The following AUTS2 variants were observed in gnomAD, a reference collection of about 807,000 sequenced individuals.
The protein encoded by AUTS2 is activator of transcription and developmental regulator AUTS2.
Under a neutral mutation model 112.4 loss-of-function variants are expected in AUTS2, and 17 were observed. The ratio of observed to expected loss-of-function variants is 0.15; its 90% CI spans 0.10 to 0.23. The LOEUF (loss-of-function observed/expected upper bound fraction) is 0.23, where lower values mean the gene tolerates loss of function less well. AUTS2 is among the 10% of genes least tolerant of loss of function. The pLI, the probability that AUTS2 is intolerant of heterozygous loss-of-function variation, is 1.00. For synonymous variants in AUTS2, 751 were observed against 702.7 expected, an observed-to-expected ratio of 1.07 and a Z score of -1.09; for missense variants, 1,510 against 1,701.6, an observed-to-expected ratio of 0.89 and a Z score of 1.98.
rs544715463 is a variant in AUTS2 at position 70,078,558 on chromosome 7, T to C, written c.523-39574T>C. On this transcript the variant is annotated intron_variant, in intron 2 of 18. Coordinates refer to ENST00000342771, the MANE Select transcript of AUTS2 (RefSeq NM_015570.4). ...TTTTCTTTCTCTTTTGTACCTACCATGCTCTACCTACCTCATGTCTTCATT... is the reference window on the plus strand; with the variant it reads ...TTTTCTTTCTCTTTTGTACCTACCACGCTCTACCTACCTCATGTCTTCATT... Among the ~76,000 whole-genome samples the C allele has an allele frequency of 2.0e-5, 3 of 152,346 alleles. No individual in the cohort carries two copies. The South Asian group carries it at 6.2e-4, about 32-fold the overall frequency.
chr7:70,216,577 G>A (rs1489041282), intron 4 of AUTS2, among the ~76,000 whole-genome samples: 1 of 152,128 alleles, frequency 6.6e-6, no homozygotes, highest in African/African-American at 2.4e-5. Flanking sequence ...GCAGGAAGTA[G>A]GTGAAATGAA....
At chr7:69,718,113 T>C (rs1316018319) in intron 1 of AUTS2, among the ~76,000 whole-genome samples, 2 of 152,216 alleles carry the variant, frequency 1.3e-5, no homozygotes, top group Admixed American at 6.5e-5. Context: ...CTTCCACTAA[T>C]CCTTACTTTT....
In AUTS2 at chr7:70,329,333, A is replaced by C. The variant is rs1790640985; in HGVS notation, c.661-106419A>C. 2.0e-5 allele frequency among the ~76,000 whole-genome samples: 3 copies of C among 152,262 alleles called. No homozygotes were observed. The South Asian group carries it at 6.2e-4, about 32-fold the overall frequency. On this transcript the variant is annotated intron_variant, in intron 4 of 18. Coordinates refer to ENST00000342771, the MANE Select transcript of AUTS2 (RefSeq NM_015570.4). The stretch of plus-strand genomic sequence containing the variant: ...CAGGACGATATGATACTTCTACATT[A>C]AACTTTTTGAAGATTGCCGAACTAT...
intron 7 of AUTS2, among the ~76,000 whole-genome samples, chr7:70,764,130 T>C (rs1319088902): frequency 6.6e-6 from 1 of 152,164 alleles, no homozygotes. Flanking sequence ...GAAAACCTGG[T>C]GGCTTTGGTG....
chr7:70,639,183 CA>C (rs1399665595), intron 5 of AUTS2, among the ~76,000 whole-genome samples: 1 of 152,106 alleles, frequency 6.6e-6, no homozygotes, highest in African/African-American at 2.4e-5. Context: ...ACCACCACAC[CA>C]AAAGTCTGGT....
At chr7:69,715,227 TAA>T (rs61555118) in intron 1 of AUTS2, among the ~76,000 whole-genome samples, 10,096 of 129,402 alleles carry the variant, frequency 0.078, 363 homozygotes, top group East Asian at 0.14. Context: ...CAGGCATAAG[TAA>T]AAAAAAAAAA....
chr7:69,982,844 T>C (rs1341475825), intron 2 of AUTS2, among the ~76,000 whole-genome samples: 1 of 152,226 alleles, frequency 6.6e-6, no homozygotes, highest in Non-Finnish European at 1.5e-5. Flanking sequence ...TTTAAGAGCT[T>C]CATTGCAGTG....
At chr7:70,351,760 G>A (rs1308243394) in intron 4 of AUTS2, among the ~76,000 whole-genome samples, 6 of 143,178 alleles carry the variant, frequency 4.2e-5, no homozygotes, top group African/African-American at 8.1e-5. Flanking sequence ...GGCGTGCAGT[G>A]GTGTGATCTC....
chr7:70,046,818 A>G (rs1232317852), intron 2 of AUTS2, among the ~76,000 whole-genome samples: 1 of 152,172 alleles, frequency 6.6e-6, no homozygotes, highest in Non-Finnish European at 1.5e-5. Flanking sequence ...GCTCTGATAA[A>G]GAGATGATGA....
At chr7:70,317,644 C>A (rs914124415) in intron 4 of AUTS2, among the ~76,000 whole-genome samples, 1 of 152,130 alleles carries the variant, frequency 6.6e-6, no homozygotes, top group Non-Finnish European at 1.5e-5. Context: ...TGCTTTCCAA[C>A]CCTGACAAGC....
At chr7:70,263,266 A>AAT in intron 4 of AUTS2, among the ~76,000 whole-genome samples, 1 of 152,304 alleles carries the variant, frequency 6.6e-6, no homozygotes, top group African/African-American at 2.4e-5. Flanking sequence ...TATCCAATAT[A>AAT]ACATCCTTGG....
intron 5 of AUTS2, among the ~76,000 whole-genome samples, chr7:70,506,814 T>G (rs904686216): frequency 5.9e-5 from 9 of 152,196 alleles, no homozygotes; most frequent in African/African-American, 2.2e-4. Flanking sequence ...TTCTTATCTA[T>G]ATGGGGGAAA....
At chr7:69,895,547 C>A (rs1008852206) in intron 1 of AUTS2, among the ~76,000 whole-genome samples, 3 of 144,816 alleles carry the variant, frequency 2.1e-5, no homozygotes, top group East Asian at 4.4e-4. Flanking sequence ...TCTTCTTCCC[C>A]CCCCCCGAGT....
intron 2 of AUTS2, among the ~76,000 whole-genome samples, chr7:70,114,155 T>A (rs1805232611): frequency 6.6e-6 from 1 of 152,236 alleles, no homozygotes; most frequent in South Asian, 2.1e-4. Flanking sequence ...CCCAAACTAT[T>A]GAATATATAA....
intron 5 of AUTS2, among the ~76,000 whole-genome samples, chr7:70,497,140 C>T (rs1798581159): frequency 6.8e-6 from 1 of 146,632 alleles, no homozygotes; most frequent in Non-Finnish European, 1.5e-5. Flanking sequence ...ACATCAGCAT[C>T]AATCACACAC....
At chr7:70,216,226 A>G (rs906798406) in intron 4 of AUTS2, among the ~76,000 whole-genome samples, 3 of 152,198 alleles carry the variant, frequency 2.0e-5, no homozygotes, top group Non-Finnish European at 4.4e-5. Context: ...TCCAGTGTAC[A>G]TATGTTTCAT....
chr7:70,518,056 T>C (rs1799489868), intron 5 of AUTS2, among the ~76,000 whole-genome samples: 1 of 152,228 alleles, frequency 6.6e-6, no homozygotes, highest in Non-Finnish European at 1.5e-5. Flanking sequence ...ACCAATATCC[T>C]TGTTTGCTTC....
At chr7:70,421,275 TC>T (rs908993252) in intron 4 of AUTS2, among the ~76,000 whole-genome samples, 1 of 148,210 alleles carries the variant, frequency 6.7e-6, no homozygotes, top group African/African-American at 2.5e-5. Context: ...TTTTCTCTCA[TC>T]CCCCCCAACC....
At chr7:69,797,500 A>G (rs1296616842) in intron 1 of AUTS2, among the ~76,000 whole-genome samples, 2 of 152,148 alleles carry the variant, frequency 1.3e-5, no homozygotes, top group Non-Finnish European at 2.9e-5. Flanking sequence ...TTAAATTCAC[A>G]TTAAAGAGAG....
Sources: allele counts gnomAD v4.1 joint callset (sites outside exome capture counted in the v4.1 genomes callset), GRCh38; gene constraint gnomAD v4.1.1; transcripts MANE v1.5; gene names NCBI Gene and HGNC (gene_info 2026-07-23, HGNC 2026-07-21).